Variants in SGO1 observed in about 807,000 individuals in gnomAD.
SGO1 encodes the protein serologically defined breast cancer antigen NY-BR-85.
A neutral mutation model predicts 50.5 loss-of-function variants in SGO1; 39 were observed. The observed-to-expected ratio is 0.77, with a 90% CI of 0.60 to 1.01. SGO1 has a LOEUF of 1.01. Among genes scored for constraint, SGO1 ranks in the 50% least tolerant of loss-of-function variants. SGO1 has a pLI of 0.00. For synonymous variants in SGO1, 191 were observed against 205.1 expected, an observed-to-expected ratio of 0.93 and a Z score of 0.59; for missense variants, 638 against 606.0, an observed-to-expected ratio of 1.05 and a Z score of -0.55.
chr3:20,171,289 A>C (rs1575197025), intron 6 of SGO1, 57 bp from the exon 7 acceptor site: 2 of 1,402,156 alleles, frequency 1.4e-6, no homozygotes, highest in East Asian at 4.8e-5. Context: ...ACAAAAACTT[A>C]AATTGTACTC....
intron 4 of SGO1, among the ~76,000 whole-genome samples, chr3:20,177,681 G>T (rs1047764548): frequency 1.3e-5 from 2 of 152,126 alleles, no homozygotes; most frequent in Non-Finnish European, 2.9e-5. Flanking sequence ...TGAAATTTTA[G>T]TTCCACGATA....
Position 20,178,318 on chromosome 3 carries a change from G to A in SGO1, c.369C>T (p.Asp123=). 1 of 1,612,608 alleles carries A rather than the reference G, an allele frequency of 6.2e-7. No individual in the cohort carries two copies. Among genetic ancestry groups the A allele is most frequent in the Non-Finnish European group, 8.5e-7 (1 of 1,178,892 alleles). Residue 123 remains aspartate (D), a synonymous_variant, in exon 4 of 8, where the codon GAC becomes GAT. Coordinates refer to ENST00000412997, the MANE Select transcript of SGO1 (RefSeq NM_001199251.3). Reference sequence around the variant, plus strand: ...TTCTGGAGCTGTCATCACTATTGGGGTCCATTCCAGAGGAACATATTTCCT... The same window carrying A: ...TTCTGGAGCTGTCATCACTATTGGGATCCATTCCAGAGGAACATATTTCCT... ...QNQEICSSGM[D]PNSDDSSRNL...
At chr3:20,169,453 G>C, downstream of SGO1, 1 of 982,240 alleles carries the variant, frequency 1.0e-6, no homozygotes, top group Non-Finnish European at 1.2e-6. Context: ...CTCTATTTTT[G>C]ATATTTAAAG....
intron 6 of SGO1, among the ~76,000 whole-genome samples, 156 bp downstream of exon 6, chr3:20,174,093 C>A (rs1056505913): frequency 2.0e-5 from 3 of 152,154 alleles, no homozygotes; most frequent in Non-Finnish European, 4.4e-5. Flanking sequence ...CCCAGCCCCC[C>A]ACTGTTTAAT....
chr3:20,171,158 C>T lies in SGO1; in HGVS notation c.1357G>A (p.Val453Met), dbSNP rs1018559752. The change falls in exon 7 of 8, where the codon GTG (valine) becomes ATG (methionine). Residue 453 changes from valine to methionine, a missense_variant. By Grantham distance (21) the Val-to-Met change is conservative. Transcript: ENST00000412997. Reference protein sequence around the residue: ...DITNVSLYPVVKIRRLSLSPK... With the variant: ...DITNVSLYPVMKIRRLSLSPK... Reference sequence around the variant, plus strand: ...GAAAGAGAAAGTCTTCTGATTTTCACAACAGGATACAAGGAGACATTGGTG... The same window carrying T: ...GAAAGAGAAAGTCTTCTGATTTTCATAACAGGATACAAGGAGACATTGGTG... 6.2e-7 allele frequency: 1 copy of T among 1,612,848 alleles called. No individual in the cohort carries two copies. Among genetic ancestry groups the T allele is most frequent in the Non-Finnish European group, 8.5e-7 (1 of 1,179,668 alleles).
chr3:20,182,962 G>A (rs1483488626), intron 3 of SGO1, among the ~76,000 whole-genome samples: 1 of 151,956 alleles, frequency 6.6e-6, no homozygotes, highest in African/African-American at 2.4e-5. Flanking sequence ...AGCTTGCAGT[G>A]AGCCGAGATC....
Position 20,161,389 on chromosome 3 carries a change from CAGAATT to C in SGO1, c.1565-169_1565-164del, listed in dbSNP as rs3062282. ...AAAAGTCAGCAGATACAACAAATAT[CAGAATT>C]AGAGTGCTTATAATTGCTAAAAATA... On this transcript the variant is annotated intron_variant, in intron 8 of 8. Transcript: ENST00000263753. Among the ~76,000 whole-genome samples, 756 of 152,174 alleles carry C rather than the reference CAGAATT, an allele frequency of 5.0e-3. 9 individuals are homozygous for C. Among genetic ancestry groups the C allele is most frequent in the African/African-American group, 0.017 (702 of 41,518 alleles).
At chr3:20,168,835 T>A, downstream of SGO1, 2 of 482,998 alleles carry the variant, frequency 4.1e-6, no homozygotes, top group South Asian at 1.8e-4. Context: ...TTTCACCGTA[T>A]TAGCCAGGAT....
At chr3:20,183,827 A>T in intron 2 of SGO1, 23 bp from the exon 3 acceptor site, 1 of 1,600,860 alleles carries the variant, frequency 6.2e-7, no homozygotes, top group African/African-American at 1.4e-5. Flanking sequence ...AAAAAAATTT[A>T]TCAGTTATTA....
At chr3:20,161,260 G>A in intron 8 of SGO1, 1 of 1,500,938 alleles carries the variant, frequency 6.7e-7, no homozygotes, top group African/African-American at 1.4e-5. Flanking sequence ...AGTCTACAGA[G>A]ATGTTTCTAC....
intron 8 of SGO1, among the ~76,000 whole-genome samples, chr3:20,162,189 T>C (rs1700074206): frequency 6.6e-6 from 1 of 152,176 alleles, no homozygotes; most frequent in African/African-American, 2.4e-5. Flanking sequence ...AATCCATGCA[T>C]GTGTAGGATG....
downstream of SGO1, chr3:20,168,937 G>A: frequency 1.0e-6 from 1 of 985,162 alleles, no homozygotes; most frequent in Non-Finnish European, 1.2e-6. Flanking sequence ...GTGCCTGGCT[G>A]AGAAACTGAC....
At chr3:20,177,116 A>G (rs964699455) in intron 4 of SGO1, 5 of 152,564 alleles carry the variant, frequency 3.3e-5, no homozygotes, top group African/African-American at 1.2e-4. Context: ...TTCTTTACAA[A>G]TGTTGTTCTT....
intron 3 of SGO1, among the ~76,000 whole-genome samples, chr3:20,178,981 T>C (rs1190746238): frequency 1.3e-5 from 2 of 152,168 alleles, no homozygotes. Flanking sequence ...TAGAAAGAGC[T>C]GAGAGGTCAT....
chr3:20,185,588 C>T (rs770807817), intron 1 of SGO1, among the ~76,000 whole-genome samples: 1 of 152,186 alleles, frequency 6.6e-6, no homozygotes, highest in Non-Finnish European at 1.5e-5. Context: ...AGGTAGGATA[C>T]TAGTCAGTGC....
intron 1 of SGO1, among the ~76,000 whole-genome samples, chr3:20,185,642 G>T (rs1702569657): frequency 6.6e-6 from 1 of 152,196 alleles, no homozygotes; most frequent in African/African-American, 2.4e-5. Context: ...CCTGGACAAG[G>T]AGGACGTCAA....
chr3:20,180,743 T>C (rs2125361602), intron 3 of SGO1, among the ~76,000 whole-genome samples: 1 of 152,358 alleles, frequency 6.6e-6, no homozygotes, highest in Middle Eastern at 3.4e-3. Flanking sequence ...AATTTAATTA[T>C]CTTTTGAAAT....
intron 3 of SGO1, among the ~76,000 whole-genome samples, chr3:20,180,790 A>G (rs2125362121): frequency 6.6e-6 from 1 of 152,368 alleles, no homozygotes; most frequent in South Asian, 2.1e-4. Context: ...TAAATAAGCT[A>G]AAAATGTTCA....
At chr3:20,173,432 G>A (rs1002455248) in intron 6 of SGO1, among the ~76,000 whole-genome samples, 4 of 152,042 alleles carry the variant, frequency 2.6e-5, no homozygotes, top group South Asian at 2.1e-4. Flanking sequence ...GAGCCAACCC[G>A]CCCGGCTTAC....
Sources: allele counts gnomAD v4.1 joint callset (sites outside exome capture counted in the v4.1 genomes callset), GRCh38; gene constraint gnomAD v4.1.1; transcripts MANE v1.5; gene names NCBI Gene and HGNC (gene_info 2026-07-23, HGNC 2026-07-21).